The following SDK1 variants were observed in gnomAD, a reference collection of about 807,000 sequenced individuals.
SDK1 encodes protein sidekick-1.
In SDK1, 157 loss-of-function variants were observed where a neutral mutation model predicts 245.5. The ratio of observed to expected loss-of-function variants is 0.64; its 90% CI spans 0.56 to 0.73. The LOEUF (loss-of-function observed/expected upper bound fraction) is 0.73, where lower values mean the gene tolerates loss of function less well. SDK1 is among the 30% of genes least tolerant of loss of function. The probability of loss-of-function intolerance (pLI) is 0.00; values close to 1 mark genes in which losing one functional copy is unlikely to be tolerated. For synonymous variants in SDK1, 1,647 were observed against 1,278.5 expected (o/e 1.29, Z -6.15); for missense variants, 3,583 against 3,002.3 (o/e 1.19, Z -4.52).
chr7:3,331,831 T>C (rs949340258), intron 1 of SDK1, among the ~76,000 whole-genome samples: 2 of 152,220 alleles, frequency 1.3e-5, no homozygotes, highest in African/African-American at 4.8e-5. Context: ...TAGTTGACTT[T>C]CAGATGTGTT....
intron 5 of SDK1, among the ~76,000 whole-genome samples, chr7:3,883,506 G>C (rs141673611): frequency 6.6e-6 from 1 of 152,108 alleles, no homozygotes; most frequent in Admixed American, 6.6e-5. Flanking sequence ...AAATCACGTC[G>C]TTGCCAAAAT....
chr7:3,418,858 A>G (rs544109646), intron 1 of SDK1, among the ~76,000 whole-genome samples: 25 of 152,288 alleles, frequency 1.6e-4, no homozygotes, highest in African/African-American at 5.8e-4. Flanking sequence ...CCCCTCGCCT[A>G]TGGTCAAATC....
intron 1 of SDK1, among the ~76,000 whole-genome samples, chr7:3,455,381 C>CT (rs200085335): frequency 0.014 from 1,942 of 140,526 alleles, 26 homozygotes; most frequent in Middle Eastern, 0.027. Context: ...ATTTTCTTTC[C>CT]TTTTTTTTTT....
chr7:4,088,162 A>C (rs11980521), intron 22 of SDK1, among the ~76,000 whole-genome samples: 7,693 of 152,272 alleles, frequency 0.051, 639 homozygotes, highest in African/African-American at 0.17. Flanking sequence ...GTGGCTGCTC[A>C]GCCTGGTGTA....
chr7:3,567,015 G>C (rs1039866556), intron 1 of SDK1, among the ~76,000 whole-genome samples: 1 of 152,136 alleles, frequency 6.6e-6, no homozygotes, highest in Admixed American at 6.5e-5. Context: ...GCTGAATTAG[G>C]CCCAGAAATA....
intron 1 of SDK1, among the ~76,000 whole-genome samples, chr7:3,562,402 C>T (rs1779776665): frequency 6.6e-6 from 1 of 152,150 alleles, no homozygotes; most frequent in African/African-American, 2.4e-5. Flanking sequence ...CCAAGATGGT[C>T]AACTGCATAT....
chr7:3,504,257 G>C (rs1156760814), intron 1 of SDK1, among the ~76,000 whole-genome samples: 4 of 147,394 alleles, frequency 2.7e-5, no homozygotes, highest in Admixed American at 6.9e-5. Context: ...GGATGCTGCT[G>C]TTGTTGTCGT....
At chr7:3,723,959 G>T (rs970429046) in intron 4 of SDK1, among the ~76,000 whole-genome samples, 8 of 149,374 alleles carry the variant, frequency 5.4e-5, no homozygotes, top group Non-Finnish European at 7.4e-5. Context: ...GAGAGAGAGA[G>T]AGAGAGAGAG....
intron 4 of SDK1, among the ~76,000 whole-genome samples, chr7:3,745,394 C>G (rs559440310): frequency 1.3e-5 from 2 of 152,260 alleles, no homozygotes; most frequent in South Asian, 4.1e-4. Flanking sequence ...CCTATAAAAC[C>G]TTCACCCCAC....
chr7:3,460,603 A>G (rs1780804361), intron 1 of SDK1, among the ~76,000 whole-genome samples: 1 of 152,202 alleles, frequency 6.6e-6, no homozygotes, highest in Non-Finnish European at 1.5e-5. Flanking sequence ...AATGACCTGA[A>G]TCTTGCCATT....
intron 1 of SDK1, among the ~76,000 whole-genome samples, chr7:3,385,433 AAAT>A (rs997822013): frequency 2.8e-4 from 42 of 152,144 alleles, no homozygotes; most frequent in African/African-American, 9.9e-4. Flanking sequence ...GAACATAAAA[AAAT>A]ATATTTTTTT....
At chr7:3,496,676 C>G (rs1218817947) in intron 1 of SDK1, among the ~76,000 whole-genome samples, 1 of 152,130 alleles carries the variant, frequency 6.6e-6, no homozygotes, top group South Asian at 2.1e-4. Context: ...TTATATGTCT[C>G]CTTTCTTTTT....
At chr7:3,769,412 A>G (rs1780344369) in intron 4 of SDK1, among the ~76,000 whole-genome samples, 1 of 152,096 alleles carries the variant, frequency 6.6e-6, no homozygotes, top group African/African-American at 2.4e-5. Context: ...TTACAAAGCC[A>G]CAAGTCCCAC....
intron 44 of SDK1, among the ~76,000 whole-genome samples, chr7:4,260,201 G>T (rs1787893787): frequency 6.7e-6 from 1 of 149,292 alleles, no homozygotes; most frequent in South Asian, 2.2e-4. Flanking sequence ...GGAGAAGCTG[G>T]CTGCTCCGGG....
chr7:3,523,461 T>G (rs1783012494), intron 1 of SDK1, among the ~76,000 whole-genome samples: 1 of 152,154 alleles, frequency 6.6e-6, no homozygotes, highest in Non-Finnish European at 1.5e-5. Flanking sequence ...CACTGAGTGC[T>G]AGATTAGTGG....
intron 22 of SDK1, among the ~76,000 whole-genome samples, chr7:4,082,801 G>T (rs1384697964): frequency 6.6e-6 from 1 of 151,872 alleles, no homozygotes; most frequent in African/African-American, 2.4e-5. Context: ...TTATATTTTT[G>T]GTAGAGACAG....
At chr7:3,636,287 A>G (rs185613040) in intron 2 of SDK1, among the ~76,000 whole-genome samples, 3 of 152,292 alleles carry the variant, frequency 2.0e-5, no homozygotes, top group South Asian at 4.1e-4. Flanking sequence ...ATTCCTGTAA[A>G]TGCTATGCTG....
chr7:3,479,630 G>C (rs1781452750), intron 1 of SDK1, among the ~76,000 whole-genome samples: 1 of 151,878 alleles, frequency 6.6e-6, no homozygotes, highest in Non-Finnish European at 1.5e-5. Flanking sequence ...TTGGGAGGTC[G>C]AGGTGGGGGG....
intron 1 of SDK1, among the ~76,000 whole-genome samples, chr7:3,452,411 T>C (rs903945185): frequency 6.6e-6 from 1 of 152,178 alleles, no homozygotes; most frequent in Non-Finnish European, 1.5e-5. Flanking sequence ...GATATACTAA[T>C]TTGCTTTTCA....
Sources: gnomAD v4.1 joint callset for allele counts (sites outside exome capture counted in the v4.1 genomes callset) on GRCh38, gnomAD v4.1.1 for gene constraint, MANE v1.5 for transcripts, NCBI Gene and HGNC (gene_info 2026-07-23, HGNC 2026-07-21) for gene names.